The following CHIC1 variants were observed in gnomAD, a reference collection of about 807,000 sequenced individuals.
CHIC1 encodes cysteine rich hydrophobic domain 1, also known as cysteine-rich hydrophobic domain-containing protein 1.
In CHIC1, 7 loss-of-function variants were observed where a neutral mutation model predicts 18.5. The observed-to-expected ratio is 0.38, with a 90% CI of 0.22 to 0.71. The LOEUF (loss-of-function observed/expected upper bound fraction) is 0.71. CHIC1 is among the 30% of genes least tolerant of loss of function. CHIC1 has a pLI of 0.49. For synonymous variants in CHIC1, 77 were observed against 73.5 expected, an observed-to-expected ratio of 1.05 and a Z score of -0.25; for missense variants, 159 against 176.9, an observed-to-expected ratio of 0.90 and a Z score of 0.57.
chrX:73,673,124 AGT>A (rs1334428205), intron 3 of CHIC1, among the ~76,000 whole-genome samples: 1 of 111,975 alleles, frequency 8.9e-6, no homozygotes, highest in Non-Finnish European at 1.9e-5. Context: ...TTTTGTTACC[AGT>A]ACCATGCTGT....
At chrX:73,572,516 T>C (rs1340935943) in intron 1 of CHIC1, among the ~76,000 whole-genome samples, 2 of 111,502 alleles carry the variant, frequency 1.8e-5, no homozygotes, top group Admixed American at 1.9e-4. Flanking sequence ...AGTTCTGTTT[T>C]TGATTCTTTG....
intron 3 of CHIC1, among the ~76,000 whole-genome samples, chrX:73,600,774 A>G (rs1463972405): frequency 2.8e-5 from 3 of 107,212 alleles, no homozygotes; most frequent in Non-Finnish European, 5.7e-5. Flanking sequence ...ATGTTCATCA[A>G]GGATATTGGT....
chrX:73,678,184 G>C (rs923151782), intron 3 of CHIC1, among the ~76,000 whole-genome samples: 5 of 112,003 alleles, frequency 4.5e-5, no homozygotes, highest in African/African-American at 1.6e-4. Flanking sequence ...TACTTCAGCT[G>C]TAATCAGTTT....
At chrX:73,671,918 C>T (rs767205112) in intron 3 of CHIC1, among the ~76,000 whole-genome samples, 6 of 110,502 alleles carry the variant, frequency 5.4e-5, no homozygotes, top group East Asian at 5.7e-4. Context: ...TATCCCTCCC[C>T]GCTCCCACAC....
At position 73,577,444 on chromosome X, in the gene CHIC1, T is replaced by A; in HGVS notation, c.334T>A (p.Ser112Thr). ...LSNKFDTEFP[S>T]VLTGKVAPEE... Reference sequence around the variant, plus strand: ...CAACAAGTTTGATACTGAATTTCCCTCCGTTCTAACAGGGAAGGTAAGTGA... The same window carrying A: ...CAACAAGTTTGATACTGAATTTCCCACCGTTCTAACAGGGAAGGTAAGTGA... Residue 112 changes from serine (S) to threonine (T), a missense_variant, in exon 2 of 6, where the codon TCC (serine) becomes ACC (threonine). By Grantham distance (58) the Ser-to-Thr change is moderately conservative. Coordinates refer to ENST00000373502, the MANE Select transcript of CHIC1 (RefSeq NM_001039840.4). 8.3e-7 allele frequency: 1 copy of A among 1,198,306 alleles called. No individual in the cohort carries two copies. Among genetic ancestry groups the A allele is most frequent in the African/African-American group, 1.7e-5 (1 of 57,306 alleles).
intron 3 of CHIC1, among the ~76,000 whole-genome samples, chrX:73,619,289 T>C (rs982572514): frequency 9.0e-5 from 10 of 111,317 alleles, no homozygotes; most frequent in African/African-American, 3.3e-4. Flanking sequence ...GCTCTGTCCT[T>C]CTGAGTGGGA....
chrX:73,667,757 C>G (rs769652205), intron 3 of CHIC1, among the ~76,000 whole-genome samples: 1 of 110,968 alleles, frequency 9.0e-6, no homozygotes, highest in South Asian at 3.9e-4. Context: ...TAGTCTTCCC[C>G]TTGTATGTGA....
At chrX:73,663,221 G>A (rs1234489959) in intron 3 of CHIC1, among the ~76,000 whole-genome samples, 1 of 111,213 alleles carries the variant, frequency 9.0e-6, no homozygotes, top group Non-Finnish European at 1.9e-5. Flanking sequence ...GGGGAATGAC[G>A]AAAATGGGCG....
chrX:73,637,413 A>G (rs1353539832), intron 3 of CHIC1, among the ~76,000 whole-genome samples: 1 of 109,605 alleles, frequency 9.1e-6, no homozygotes, highest in African/African-American at 3.3e-5. Flanking sequence ...CATTTCATTC[A>G]TTAAATTTGG....
Position 73,563,358 on chromosome X carries a change from C to T in CHIC1, c.74C>T (p.Ala25Val), listed in dbSNP as rs1298237478. The T allele has an allele frequency of 1.7e-6, 2 of 1,153,618 alleles. No homozygotes were observed. The highest frequency in any genetic ancestry group is 2.7e-5 in the Admixed American group (1 of 37,633). The change falls in exon 1 of 6, where the codon GCG becomes GTG. Residue 25 changes from alanine (A) to valine (V), a missense_variant. Coordinates refer to ENST00000373502, the MANE Select transcript of CHIC1 (RefSeq NM_001039840.4). ...SELEEEEEEEAATSSSSPSSS... is the reference protein window; with the variant it reads ...SELEEEEEEEVATSSSSPSSS... ...CTGGAGGAGGAGGAGGAAGAAGAAG[C>T]GGCAACGTCGTCGTCGTCGCCGTCG...
chrX:73,670,338 C>A (rs377260353), intron 3 of CHIC1, among the ~76,000 whole-genome samples: 1 of 112,132 alleles, frequency 8.9e-6, no homozygotes, highest in East Asian at 2.8e-4. Flanking sequence ...TGGACCACAG[C>A]TGCTTCTAAT....
Position 73,577,371 on chromosome X carries a change from G to A in CHIC1, c.297-36G>A, listed in dbSNP as rs373305689. 7.3e-5 allele frequency: 79 copies of A among 1,086,958 alleles called. 1 individual carries two copies. The highest frequency in any genetic ancestry group is 1.8e-4 in the African/African-American group (10 of 54,439). 89.6% of individuals were successfully genotyped at this position (1,086,958 alleles called of 1,213,427 possible). ...AAAAAAGGGAAGATTTAAGTATGCT[G>A]GGTAGAACATATTTTGTTCTGTGTT... On this transcript the variant is annotated intron_variant, in intron 1 of 5. Transcript: ENST00000373502.
intron 2 of CHIC1, among the ~76,000 whole-genome samples, chrX:73,582,222 G>A (rs1352318708): frequency 9.1e-6 from 1 of 110,365 alleles, no homozygotes; most frequent in African/African-American, 3.3e-5. Flanking sequence ...ATTTGCATGA[G>A]TTTATATCAA....
chrX:73,669,755 G>A (rs953558680), intron 3 of CHIC1, among the ~76,000 whole-genome samples: 4 of 112,025 alleles, frequency 3.6e-5, no homozygotes, highest in Non-Finnish European at 7.5e-5. Context: ...TCGACCAAAT[G>A]GCAGAGATGG....
chrX:73,674,344 C>T (rs2058049760), intron 3 of CHIC1, among the ~76,000 whole-genome samples: 1 of 111,902 alleles, frequency 8.9e-6, no homozygotes, highest in Admixed American at 9.4e-5. Flanking sequence ...TAGAATTCAG[C>T]TGTGAATCCA....
At chrX:73,577,336 T>A in intron 1 of CHIC1, 71 bp from the exon 2 acceptor site, 1 of 865,717 alleles carries the variant, frequency 1.2e-6, no homozygotes, top group Non-Finnish European at 1.6e-6. Context: ...GGTTTATAAC[T>A]TTTTTTTAAA....
chrX:73,668,770 T>A (rs1424967178), intron 3 of CHIC1, among the ~76,000 whole-genome samples: 1 of 112,130 alleles, frequency 8.9e-6, no homozygotes, highest in Non-Finnish European at 1.9e-5. Flanking sequence ...CCTGAACATG[T>A]CTGTAGGAGG....
chrX:73,652,999 C>T (rs1324170776), intron 3 of CHIC1, among the ~76,000 whole-genome samples: 1 of 111,532 alleles, frequency 9.0e-6, no homozygotes, highest in Non-Finnish European at 1.9e-5. Flanking sequence ...TCAATTTAAA[C>T]TAGATAAAGA....
chrX:73,599,816 G>A (rs1453871424), intron 3 of CHIC1, among the ~76,000 whole-genome samples: 6 of 106,904 alleles, frequency 5.6e-5, no homozygotes, highest in Admixed American at 2.0e-4. Context: ...GGCAATGTGG[G>A]CTCTTTTTTG....
Sources: gnomAD v4.1 joint callset for allele counts (sites outside exome capture counted in the v4.1 genomes callset) on GRCh38, gnomAD v4.1.1 for gene constraint, MANE v1.5 for transcripts, NCBI Gene and HGNC (gene_info 2026-07-23, HGNC 2026-07-21) for gene names.